AK9: variants seen among roughly 807,000 people sequenced by gnomAD.
AK9 encodes adenylate kinase domain containing 1.
AK9 carries 191 observed loss-of-function variants against 239.6 expected under a neutral mutation model. That is an observed-to-expected ratio of 0.80 (90% CI 0.71 to 0.90). AK9 has a LOEUF of 0.90. Ranked by LOEUF, AK9 falls within the 40% of genes least tolerant of loss-of-function variation. The pLI is 0.00. For synonymous variants in AK9, 689 were observed against 721.0 expected (o/e 0.96, Z 0.71); for missense variants, 1,995 against 2,214.7 (o/e 0.90, Z 1.99).
chr6:109,655,172 T>C (rs1263244536), intron 8 of AK9, among the ~76,000 whole-genome samples: 1 of 152,234 alleles, frequency 6.6e-6, no homozygotes, highest in Non-Finnish European at 1.5e-5. Context: ...AATTCATATT[T>C]GGGGTATAAG....
chr6:109,630,668 A>G (rs1301724627), intron 12 of AK9, among the ~76,000 whole-genome samples: 8 of 152,002 alleles, frequency 5.3e-5, no homozygotes, highest in African/African-American at 1.9e-4. Context: ...ACATAGCAAG[A>G]CCCCATCTCT....
intron 21 of AK9, among the ~76,000 whole-genome samples, chr6:109,573,179 CT>C (rs1274534165): frequency 6.6e-6 from 1 of 152,072 alleles, no homozygotes; most frequent in Non-Finnish European, 1.5e-5. Context: ...TTTAATGACA[CT>C]TTTTTCCTGC....
intron 29 of AK9, among the ~76,000 whole-genome samples, chr6:109,518,842 G>A (rs540275368): frequency 3.3e-5 from 5 of 151,772 alleles, no homozygotes; most frequent in African/African-American, 1.2e-4. Flanking sequence ...TAGATTCGGG[G>A]TACGTGTGCA....
chr6:109,529,738 T>C (rs987075447), intron 28 of AK9, among the ~76,000 whole-genome samples: 4 of 152,216 alleles, frequency 2.6e-5, no homozygotes, highest in African/African-American at 9.6e-5. Flanking sequence ...GTGTGCAACC[T>C]AGATCCCTTG....
At chr6:109,655,309 T>C (rs1583452642) in intron 8 of AK9, among the ~76,000 whole-genome samples, 1 of 152,334 alleles carries the variant, frequency 6.6e-6, no homozygotes, top group South Asian at 2.1e-4. Flanking sequence ...AAGCTGAACA[T>C]TTTTTCTACA....
chr6:109,651,784 A>G (rs760314829), intron 8 of AK9, among the ~76,000 whole-genome samples: 7 of 152,200 alleles, frequency 4.6e-5, no homozygotes, highest in East Asian at 1.9e-4. Context: ...AGAGAATACT[A>G]TAAATACTAG....
chr6:109,624,756 T>C (rs1417858135), intron 12 of AK9, among the ~76,000 whole-genome samples: 1 of 152,216 alleles, frequency 6.6e-6, no homozygotes, highest in East Asian at 1.9e-4. Flanking sequence ...TGTCCTTCAA[T>C]CTGGGAAATT....
chr6:109,640,372 G>C, intron 10 of AK9, among the ~76,000 whole-genome samples: 1 of 152,132 alleles, frequency 6.6e-6, no homozygotes, highest in South Asian at 2.1e-4. Context: ...GAAATCCCCG[G>C]ACCCCTTGCA....
intron 12 of AK9, among the ~76,000 whole-genome samples, chr6:109,627,272 C>T (rs1011951352): frequency 1.1e-4 from 17 of 151,570 alleles, no homozygotes; most frequent in African/African-American, 3.6e-4. Flanking sequence ...TCATCTCTTA[C>T]GACAACAATG....
rs186197756 is a variant in AK9, at chr6:109,675,985, G to A, written c.-11-229C>T. 3.3e-3 allele frequency among the ~76,000 whole-genome samples: 495 copies of A among 152,202 alleles called. 2 individuals carry two copies. Among genetic ancestry groups the A allele is most frequent in the African/African-American group, 0.012 (480 of 41,564 alleles). On this transcript the variant is annotated intron_variant, in intron 1 of 40. Transcript: ENST00000424296. ...CCAACTATATGTTGTATAAAAGAGAGCTCAAAGTGTTTCTGAAAGACTAAC... is the reference window on the plus strand; with the variant it reads ...CCAACTATATGTTGTATAAAAGAGAACTCAAAGTGTTTCTGAAAGACTAAC...
intron 10 of AK9, among the ~76,000 whole-genome samples, chr6:109,636,749 A>G (rs1796754415): frequency 5.2e-5 from 2 of 38,714 alleles, no homozygotes; most frequent in African/African-American, 2.0e-4. Flanking sequence ...ATAATATTCC[A>G]TCACACACAC....
At chr6:109,686,190 G>A (rs1773481641) in intron 1 of AK9, among the ~76,000 whole-genome samples, 2 of 152,302 alleles carry the variant, frequency 1.3e-5, no homozygotes, top group South Asian at 4.1e-4. Flanking sequence ...CCACAATATT[G>A]ACAATATCAG....
chr6:109,687,665 T>C (rs955049369), intron 1 of AK9, among the ~76,000 whole-genome samples: 2 of 152,130 alleles, frequency 1.3e-5, no homozygotes, highest in Admixed American at 6.5e-5. Context: ...AGTGGATTCT[T>C]CCCTAGTCAA....
chr6:109,609,664 G>A (rs1386255401), intron 17 of AK9, among the ~76,000 whole-genome samples: 1 of 152,206 alleles, frequency 6.6e-6, no homozygotes, highest in East Asian at 1.9e-4. Context: ...GTGTTACAAA[G>A]AGGTTCCATA....
chr6:109,591,127 C>G (rs1250668063), intron 17 of AK9, among the ~76,000 whole-genome samples: 4 of 151,984 alleles, frequency 2.6e-5, no homozygotes, highest in African/African-American at 9.6e-5. Context: ...ACTGAAGTCC[C>G]CTACTATGAT....
At chr6:109,519,668 T>C (rs1178515657) in intron 29 of AK9, among the ~76,000 whole-genome samples, 4 of 151,560 alleles carry the variant, frequency 2.6e-5, no homozygotes, top group Non-Finnish European at 5.9e-5. Context: ...ACTGTGTTTC[T>C]ATCTGCAGTC....
At chr6:109,524,736 T>A (rs1194625501) in intron 29 of AK9, among the ~76,000 whole-genome samples, 4 of 152,202 alleles carry the variant, frequency 2.6e-5, no homozygotes, top group Non-Finnish European at 5.9e-5. Context: ...ACATTAGAAC[T>A]ATTTCTTTTG....
At chr6:109,574,098 T>A (rs1787769816) in intron 20 of AK9, among the ~76,000 whole-genome samples, 2 of 152,250 alleles carry the variant, frequency 1.3e-5, no homozygotes, top group Admixed American at 6.5e-5. Flanking sequence ...TGGCTTATAT[T>A]ATGTTTCTAA....
At chr6:109,558,219 T>C (rs1038142632) in intron 24 of AK9, among the ~76,000 whole-genome samples, 1 of 152,166 alleles carries the variant, frequency 6.6e-6, no homozygotes, top group Non-Finnish European at 1.5e-5. Flanking sequence ...TTTTTTAAAA[T>C]AGTTTAGTTC....
Sources: allele counts gnomAD v4.1 joint callset (sites outside exome capture counted in the v4.1 genomes callset), GRCh38; gene constraint gnomAD v4.1.1; transcripts MANE v1.5; gene names NCBI Gene and HGNC (gene_info 2026-07-23, HGNC 2026-07-21).